The following ABCA8 variants were observed in gnomAD, a reference collection of about 807,000 sequenced individuals.
The protein encoded by ABCA8 is ABC-type organic anion transporter ABCA8.
In ABCA8, 177 loss-of-function variants were observed where a neutral mutation model predicts 192.3. That is an observed-to-expected ratio of 0.92 (90% confidence interval 0.81 to 1.04). The LOEUF is 1.04. Among genes scored for constraint, ABCA8 ranks in the 50% least tolerant of loss-of-function variants. ABCA8 has a pLI of 0.00. For synonymous variants in ABCA8, 642 were observed against 690.2 expected, an observed-to-expected ratio of 0.93 and a Z score of 1.09; for missense variants, 1,915 against 1,904.8, an observed-to-expected ratio of 1.01 and a Z score of -0.10.
Position 68,881,148 on chromosome 17 carries a change from G to T in ABCA8, c.4010C>A (p.Thr1337Asn), listed in dbSNP as rs1450902310. Residue 1337 changes from threonine to asparagine, a missense_variant, in exon 32 of 40, where the codon ACT (threonine) becomes AAT (asparagine). Physicochemically the swap from Thr to Asn is moderately conservative, Grantham distance 65. Coordinates refer to ENST00000586539, the MANE Select transcript of ABCA8 (RefSeq NM_001288985.2). ...AGKSTSIKVI[T>N]GDTKPTAGQV... Reference sequence around the variant, plus strand: ...TCCAGCAGTTGGTTTTGTGTCTCCAGTTATCACCTTAATGGATGTGCTTTT... The same window carrying T: ...TCCAGCAGTTGGTTTTGTGTCTCCATTTATCACCTTAATGGATGTGCTTTT... 1 of 1,613,716 alleles carries T rather than the reference G, an allele frequency of 6.2e-7. No homozygotes were observed.
chr17:68,922,190 CTCTCTTTTTTTTTT>C lies in ABCA8; in HGVS notation c.1501+38_1501+51del, dbSNP rs1334622999. The C allele has an allele frequency of 9.1e-4, 580 of 639,548 alleles. 4 individuals are homozygous for C. The highest frequency in any genetic ancestry group is 8.0e-3 in the East Asian group (116 of 14,562). The allele number at this position is 639,548 out of a possible 1,614,324, so 39.6% of individuals were successfully genotyped here. ...AATATAACAAATATTTTCTTTCTCT[CTCTCTTTTTTTTTT>C]TTTTTTTTTTTTTTTTTTTTTTTTT... On this transcript the variant is annotated intron_variant, in intron 12 of 39. Transcript: ENST00000586539.
chr17:68,910,496 A>T (rs1007724368), intron 17 of ABCA8, among the ~76,000 whole-genome samples: 1 of 152,172 alleles, frequency 6.6e-6, no homozygotes, highest in African/African-American at 2.4e-5. Flanking sequence ...TGGGGATCTA[A>T]ATAAACGTAG....
chr17:68,875,553 C>T lies in ABCA8; in HGVS notation c.4490+61G>A, dbSNP rs1236622020. On this transcript the variant is annotated intron_variant, in intron 36 of 39. Coordinates refer to ENST00000586539, the MANE Select transcript of ABCA8 (RefSeq NM_001288985.2). ...TGTTTTCAGTGATCTCTCCCTGCCACAGACAAAAATTTCCAGCAATGCACC... is the reference window on the plus strand; with the variant it reads ...TGTTTTCAGTGATCTCTCCCTGCCATAGACAAAAATTTCCAGCAATGCACC... The T allele has an allele frequency of 1.9e-6, 3 of 1,599,910 alleles. No homozygotes were observed. The African/African-American group carries it at 4.0e-5, about 21-fold the overall frequency.
chr17:68,875,384 G>T lies in ABCA8; in HGVS notation c.4507C>A (p.Gln1503Lys). 6.2e-7 allele frequency: 1 copy of T among 1,614,014 alleles called. No homozygotes were observed. Among genetic ancestry groups the T allele is most frequent in the South Asian group, 1.1e-5 (1 of 91,072 alleles). The change falls in exon 37 of 40, where the codon CAA (glutamine) becomes AAA (lysine). Residue 1503 changes from glutamine (Q) to lysine (K), a missense_variant. Physicochemically the swap from Gln to Lys is moderately conservative, Grantham distance 53 (BLOSUM62 1). Transcript: ENST00000586539. ...TTGCCAAATTTGCTTTTCAGGTGTT[G>T]GATGGAACCGATACATCTGGAGGAT... ...SGRLRCIGSI[Q>K]HLKSKFGKDY...
intron 3 of ABCA8, among the ~76,000 whole-genome samples, chr17:68,941,329 A>T (rs2068224893): frequency 6.6e-6 from 1 of 152,138 alleles, no homozygotes; most frequent in South Asian, 2.1e-4. Context: ...TCCAAAATGC[A>T]TGATCTTAGG....
In ABCA8 at chr17:68,881,976, G is replaced by C; in HGVS notation, c.3833C>G (p.Pro1278Arg). The C allele has an allele frequency of 6.2e-7, 1 of 1,612,144 alleles. No homozygotes were observed. Among genetic ancestry groups the C allele is most frequent in the East Asian group, 2.2e-5 (1 of 44,860 alleles). The change falls in exon 31 of 40, where the codon CCA becomes CGA. Residue 1278 changes from proline to arginine, a missense_variant. Physicochemically the swap from Pro to Arg is moderately radical, Grantham distance 103. Coordinates refer to ENST00000586539, the MANE Select transcript of ABCA8 (RefSeq NM_001288985.2). Reference sequence around the variant, plus strand: ...GCGTAGACAGCTGGCAATGATGACTGGCTTCTGTAAATGACAAGAAGTTAT... The same window carrying C: ...GCGTAGACAGCTGGCAATGATGACTCGCTTCTGTAAATGACAAGAAGTTAT... ...ALNSTNFDEK[P>R]VIIASCLRKE...
In ABCA8 at chr17:68,932,277, G is replaced by A. The variant is rs754997682; in HGVS notation, c.797+11C>T. ...TCCTCCGTTTATTTATTTGTGCTGC[G>A]TTTGACTCACCAGAACGCTGAATCC... On this transcript the variant is annotated intron_variant, in intron 7 of 39. Coordinates refer to ENST00000586539, the MANE Select transcript of ABCA8 (RefSeq NM_001288985.2). 5 of 1,592,242 alleles carry A rather than the reference G, an allele frequency of 3.1e-6. No homozygotes were observed. Among genetic ancestry groups the A allele is most frequent in the East Asian group, 2.2e-5 (1 of 44,508 alleles).
At chr17:68,928,180 T>C (rs1306395456) in intron 9 of ABCA8, 117 bp from the exon 10 acceptor site, 4 of 779,966 alleles carry the variant, frequency 5.1e-6, no homozygotes, top group Admixed American at 4.0e-5. Flanking sequence ...AATAGAGTTA[T>C]ATAGGGAGAC....
intron 17 of ABCA8, among the ~76,000 whole-genome samples, chr17:68,912,989 G>GA (rs2067261870): frequency 6.6e-6 from 1 of 152,020 alleles, no homozygotes; most frequent in Admixed American, 6.5e-5. Context: ...AAGGATACAC[G>GA]ATATGCTAGC....
intron 21 of ABCA8, among the ~76,000 whole-genome samples, chr17:68,898,797 A>G (rs1598219676): frequency 6.6e-6 from 1 of 152,056 alleles, no homozygotes; most frequent in Non-Finnish European, 1.5e-5. Flanking sequence ...GGTAAATAAA[A>G]ATTTCAATGA....
At chr17:68,887,897 TATATATATATCC>T (rs1220214294) in intron 24 of ABCA8, among the ~76,000 whole-genome samples, 13 of 46,134 alleles carry the variant, frequency 2.8e-4, no homozygotes, top group East Asian at 4.6e-3. Flanking sequence ...TATATATATA[TATATATATATCC>T]ATATATATAT....
chr17:68,926,588 T>C (rs2067705693), intron 10 of ABCA8, among the ~76,000 whole-genome samples: 1 of 152,218 alleles, frequency 6.6e-6, no homozygotes, highest in South Asian at 2.1e-4. Context: ...GTAATTTTTC[T>C]AATCAGTTAT....
rs1598186418 is a variant in ABCA8, at chr17:68,877,987, G to T, written c.4039-308C>A. On this transcript the variant is annotated intron_variant, in intron 32 of 39. Transcript: ENST00000586539. ...AATCACTGTCAAAATGAAGCATATT[G>T]ATTGAATTACTATTTAACTTCGCTC... 10 of 252,952 alleles carry T rather than the reference G, an allele frequency of 4.0e-5. No homozygotes were observed. In the South Asian group the frequency reaches 1.2e-3, roughly 30 times the overall value. 15.7% of individuals were successfully genotyped at this position (252,952 alleles called of 1,614,324 possible).
intron 11 of ABCA8, among the ~76,000 whole-genome samples, chr17:68,923,650 CTCTGCTAGAGTAAACCT>C (rs1374370012): frequency 6.6e-6 from 1 of 152,174 alleles, no homozygotes; most frequent in African/African-American, 2.4e-5. Flanking sequence ...CTCTGAGCTG[CTCTGCTAGAGTAAACCT>C]AGCTTAGTTG....
At chr17:68,873,982 G>C (rs1231778484) in intron 37 of ABCA8, among the ~76,000 whole-genome samples, 1 of 152,146 alleles carries the variant, frequency 6.6e-6, no homozygotes, top group Admixed American at 6.6e-5. Context: ...TTCTATAAAT[G>C]AGAGTCAGTT....
intron 4 of ABCA8, 32 bp downstream of exon 4, chr17:68,940,726 A>T (rs772970470): frequency 6.4e-7 from 1 of 1,563,704 alleles, no homozygotes; most frequent in South Asian, 1.1e-5. Flanking sequence ...TATTCACACC[A>T]GACATTCTTC....
chr17:68,941,056 T>A (rs2068216659), intron 3 of ABCA8, 94 bp from the exon 4 acceptor site: 3 of 955,044 alleles, frequency 3.1e-6, no homozygotes, highest in Non-Finnish European at 4.7e-6. Flanking sequence ...TTTTTACTTT[T>A]CTAACTTCAA....
intron 5 of ABCA8, among the ~76,000 whole-genome samples, chr17:68,933,996 G>T (rs1323637861): frequency 6.6e-6 from 1 of 152,010 alleles, no homozygotes; most frequent in Non-Finnish European, 1.5e-5. Flanking sequence ...AGAATCTCTT[G>T]TGCACTTCCC....
intron 5 of ABCA8, among the ~76,000 whole-genome samples, chr17:68,933,927 T>C (rs1458457244): frequency 6.6e-6 from 1 of 152,084 alleles, no homozygotes; most frequent in Non-Finnish European, 1.5e-5. Context: ...AAAAATACAA[T>C]AAACACGCAT....
Sources: allele counts gnomAD v4.1 joint callset (sites outside exome capture counted in the v4.1 genomes callset), GRCh38; gene constraint gnomAD v4.1.1; transcripts MANE v1.5; gene names NCBI Gene and HGNC (gene_info 2026-07-23, HGNC 2026-07-21).